The following EDARADD variants were observed in gnomAD, a reference collection of about 807,000 sequenced individuals.
EDARADD encodes the protein ectodysplasin-A receptor-associated adapter protein.
A neutral mutation model predicts 25.6 loss-of-function variants in EDARADD; 20 were observed. The observed-to-expected ratio is 0.78, with a 90% CI of 0.55 to 1.14. The LOEUF is 1.14. EDARADD is among the 50% of genes most tolerant of loss of function. EDARADD has a pLI of 0.00. For missense variants in EDARADD, 225 were observed against 270.1 expected (o/e 0.83, Z 1.17); for synonymous variants, 86 against 94.4 (o/e 0.91, Z 0.52).
chr1:236,464,129 TGCCCACCTGGTATCAGCCG>T (rs1659115913), intron 4 of EDARADD, among the ~76,000 whole-genome samples: 1 of 152,206 alleles, frequency 6.6e-6, no homozygotes, highest in South Asian at 2.1e-4. Flanking sequence ...ATGGCCTCAC[TGCCCACCTGGTATCAGCCG>T]GCCACCACCC....
intron 3 of EDARADD, among the ~76,000 whole-genome samples, chr1:236,388,908 T>A (rs754697529): frequency 6.6e-6 from 1 of 152,136 alleles, no homozygotes; most frequent in Non-Finnish European, 1.5e-5. Flanking sequence ...ATTCTGGGAG[T>A]AGAAAGATAC....
chr1:236,400,287 G>A (rs549713146), intron 1 of EDARADD, among the ~76,000 whole-genome samples: 2 of 152,070 alleles, frequency 1.3e-5, no homozygotes, highest in Admixed American at 6.6e-5. Flanking sequence ...GCCCTCTTCT[G>A]TTTGATCCCC....
intron 4 of EDARADD, among the ~76,000 whole-genome samples, chr1:236,466,131 C>T (rs545041141): frequency 6.6e-6 from 1 of 152,264 alleles, no homozygotes; most frequent in Admixed American, 6.5e-5. Context: ...ACCTGAAGTT[C>T]CTGTTTCTGT....
intron 4 of EDARADD, among the ~76,000 whole-genome samples, chr1:236,433,618 T>C (rs1329622330): frequency 6.6e-6 from 1 of 151,876 alleles, no homozygotes; most frequent in Non-Finnish European, 1.5e-5. Flanking sequence ...GCCTAACTCA[T>C]ATAGTTTTCA....
chr1:236,444,194 A>G (rs1176421646), intron 4 of EDARADD, among the ~76,000 whole-genome samples: 1 of 151,982 alleles, frequency 6.6e-6, no homozygotes, highest in East Asian at 1.9e-4. Flanking sequence ...GCACTGGGAA[A>G]CCAAAAATTT....
At chr1:236,452,664 G>A (rs1321814587) in intron 4 of EDARADD, among the ~76,000 whole-genome samples, 1 of 152,142 alleles carries the variant, frequency 6.6e-6, no homozygotes, top group East Asian at 1.9e-4. Flanking sequence ...GTTCTTTACA[G>A]CAGTGTGAAA....
chr1:236,379,789 A>G (rs979363472), intron 3 of EDARADD, among the ~76,000 whole-genome samples: 6 of 152,250 alleles, frequency 3.9e-5, no homozygotes, highest in Non-Finnish European at 7.3e-5. Flanking sequence ...CAAAAAAACA[A>G]TAAGTAAAAT....
chr1:236,371,568 GA>G (rs1025111807), intron 3 of EDARADD, among the ~76,000 whole-genome samples: 15 of 150,128 alleles, frequency 1.0e-4, no homozygotes, highest in Non-Finnish European at 1.6e-4. Context: ...GTTTTATTAA[GA>G]TTTTTTTTTT....
chr1:236,483,495 A>G lies in EDARADD; in HGVS notation c.*846A>G. 3.0e-6 allele frequency: 3 copies of G among 1,015,028 alleles called. No homozygotes were observed. The highest frequency in any genetic ancestry group is 4.7e-6 in the Non-Finnish European group (3 of 636,380). The allele number at this position is 1,015,028 out of a possible 1,614,324, so 62.9% of individuals were successfully genotyped here. A position where few individuals can be genotyped will look rare whatever the true frequency, so the allele number is the denominator to read the frequency against. On this transcript the variant is annotated 3_prime_UTR_variant, in exon 6 of 6. Transcript: ENST00000334232. ...TAAATCTAAATTTGGTGCAAATGCC[A>G]TTCTGGGAGTGTCCCTCGCTGCCTG...
chr1:236,413,385 A>G (rs1657552306), intron 2 of EDARADD, among the ~76,000 whole-genome samples: 1 of 152,350 alleles, frequency 6.6e-6, no homozygotes, highest in East Asian at 1.9e-4. Context: ...AAAGGCACTT[A>G]AAACAAAACC....
chr1:236,357,309 G>A (rs535422663), intron 3 of EDARADD, among the ~76,000 whole-genome samples: 3 of 152,080 alleles, frequency 2.0e-5, no homozygotes, highest in Non-Finnish European at 4.4e-5. Context: ...AAAATACTGC[G>A]TTAGTCTGTT....
At chr1:236,356,081 C>T (rs1275702160) in intron 3 of EDARADD, among the ~76,000 whole-genome samples, 1 of 152,164 alleles carries the variant, frequency 6.6e-6, no homozygotes, top group Non-Finnish European at 1.5e-5. Context: ...GATTTCAGAT[C>T]TTCCAAAATT....
rs143118258 is a variant in EDARADD at position 236,433,051 on chromosome 1, G to GAT, written c.219+5611_219+5612dup. On this transcript the variant is annotated intron_variant, in intron 4 of 5. Transcript: ENST00000334232. ...TCATAATAACAGAAACTGGGGATAG[G>GAT]ATATATATATAGGAATTCTTTACAC... Among the ~76,000 whole-genome samples, 663 of 151,958 alleles carry GAT rather than the reference G, an allele frequency of 4.4e-3. 7 individuals carry two copies. The highest frequency in any genetic ancestry group is 0.015 in the African/African-American group (628 of 41,458).
chr1:236,456,468 A>G (rs1658867688), intron 4 of EDARADD, among the ~76,000 whole-genome samples: 1 of 152,204 alleles, frequency 6.6e-6, no homozygotes, highest in African/African-American at 2.4e-5. Flanking sequence ...ATAACTGTAG[A>G]CAATTTTGTC....
intron 5 of EDARADD, among the ~76,000 whole-genome samples, chr1:236,480,332 G>T (rs767601478): frequency 1.3e-4 from 20 of 151,714 alleles, no homozygotes; most frequent in South Asian, 2.1e-4. Context: ...TAGACATTTT[G>T]GTTGTTTTTG....
chr1:236,364,666 G>T (rs1206584462), intron 3 of EDARADD, among the ~76,000 whole-genome samples: 1 of 151,816 alleles, frequency 6.6e-6, no homozygotes, highest in Admixed American at 6.6e-5. Context: ...ATTGTAAATT[G>T]CAGTTCTTAA....
chr1:236,432,937 A>AAAAGAAAG (rs577153679), intron 4 of EDARADD, among the ~76,000 whole-genome samples: 29 of 151,418 alleles, frequency 1.9e-4, no homozygotes, highest in Middle Eastern at 3.4e-3. Context: ...CAAAAAAAAA[A>AAAAGAAAG]AAAGAAAGAA....
At chr1:236,458,583 A>G (rs2103030765) in intron 4 of EDARADD, among the ~76,000 whole-genome samples, 1 of 152,102 alleles carries the variant, frequency 6.6e-6, no homozygotes, top group East Asian at 1.9e-4. Flanking sequence ...TTTTTTAAGA[A>G]AACAGCATGA....
At chr1:236,481,868 C>T (rs1347995945) in intron 5 of EDARADD, among the ~76,000 whole-genome samples, 1 of 151,130 alleles carries the variant, frequency 6.6e-6, no homozygotes, top group Non-Finnish European at 1.5e-5. Context: ...AATCGCAGCA[C>T]TTTGGGAGGC....
Sources: allele counts gnomAD v4.1 joint callset (sites outside exome capture counted in the v4.1 genomes callset), GRCh38; gene constraint gnomAD v4.1.1; transcripts MANE v1.5; gene names NCBI Gene and HGNC (gene_info 2026-07-23, HGNC 2026-07-21).